The following PRKCQ variants were observed in gnomAD, a reference collection of about 807,000 sequenced individuals.
The protein encoded by PRKCQ is protein kinase C theta type.
Under a neutral mutation model 91.2 loss-of-function variants are expected in PRKCQ, and 41 were observed. The ratio of observed to expected loss-of-function variants is 0.45; its 90% confidence interval spans 0.35 to 0.58. PRKCQ has a LOEUF of 0.58. PRKCQ is among the 20% of genes least tolerant of loss of function. PRKCQ has a pLI of 0.00. For synonymous variants in PRKCQ, 307 were observed against 316.9 expected, an observed-to-expected ratio of 0.97 and a Z score of 0.33; for missense variants, 673 against 896.5, an observed-to-expected ratio of 0.75 and a Z score of 3.18.
intron 16 of PRKCQ, among the ~76,000 whole-genome samples, chr10:6,441,460 CT>C (rs965910392): frequency 1.2e-3 from 77 of 66,948 alleles, no homozygotes; most frequent in South Asian, 6.5e-3. Flanking sequence ...CATTTTGTTT[CT>C]TTTTTTTTTC....
In PRKCQ at chr10:6,469,576, A is replaced by C. The variant is rs1365336952; in HGVS notation, c.1354-5172T>G. Among the ~76,000 whole-genome samples, 4 of 152,312 alleles carry C rather than the reference A, an allele frequency of 2.6e-5. No homozygotes were observed. In the East Asian group the frequency reaches 5.8e-4, roughly 22 times the overall value. ...CATGGAATGAACAATTTTCCAATTAAATAAGTTGTGAGTTGGATTTGTGTT... is the reference window on the plus strand; with the variant it reads ...CATGGAATGAACAATTTTCCAATTACATAAGTTGTGAGTTGGATTTGTGTT... On this transcript the variant is annotated intron_variant, in intron 12 of 17. Transcript: ENST00000263125.
intron 12 of PRKCQ, among the ~76,000 whole-genome samples, chr10:6,475,865 T>C (rs1017629235): frequency 6.6e-6 from 1 of 152,206 alleles, no homozygotes; most frequent in African/African-American, 2.4e-5. Context: ...TCTTCCTTTG[T>C]TTCTTTCCTC....
At chr10:6,467,858 A>G (rs1228535604) in intron 12 of PRKCQ, among the ~76,000 whole-genome samples, 1 of 152,214 alleles carries the variant, frequency 6.6e-6, no homozygotes, top group Non-Finnish European at 1.5e-5. Flanking sequence ...TTCTGTAGAT[A>G]GGTGGGTAAT....
intron 1 of PRKCQ, among the ~76,000 whole-genome samples, chr10:6,550,826 C>A (rs559585365): frequency 9.8e-4 from 149 of 152,270 alleles, no homozygotes; most frequent in Non-Finnish European, 1.7e-3. Flanking sequence ...ACATTCCCAG[C>A]AAAAGTGCAA....
At chr10:6,525,443 A>G (rs1352549582) in intron 1 of PRKCQ, among the ~76,000 whole-genome samples, 4 of 152,170 alleles carry the variant, frequency 2.6e-5, no homozygotes, top group African/African-American at 2.4e-5. Flanking sequence ...AAACTTTGCC[A>G]TTAAAAGTAT....
Position 6,456,761 on chromosome 10 carries a change from G to T in PRKCQ, c.1560C>A (p.Ile520=). The change falls in exon 15 of 18, where the codon ATC becomes ATA. Residue 520 remains isoleucine (I), a synonymous_variant. Coordinates refer to ENST00000263125, the MANE Select transcript of PRKCQ (RefSeq NM_006257.5). The part of the protein sequence containing the change: ...ILLDKDGHIK[I]ADFGMCKENM... ...TCTCCTTGCACATTCCAAAATCCGC[G>T]ATCTTGATATGTCCATCTTTGTCTA... 6.2e-7 allele frequency: 1 copy of T among 1,613,842 alleles called. No homozygotes were observed. Among genetic ancestry groups the T allele is most frequent in the Non-Finnish European group, 8.5e-7 (1 of 1,179,920 alleles).
intron 1 of PRKCQ, among the ~76,000 whole-genome samples, chr10:6,572,992 T>C (rs1841098583): frequency 1.3e-5 from 2 of 152,224 alleles, no homozygotes; most frequent in African/African-American, 2.4e-5. Context: ...ATCAGTGATA[T>C]TGAGGGTTTT....
intron 1 of PRKCQ, among the ~76,000 whole-genome samples, chr10:6,537,178 T>C (rs1044240951): frequency 2.0e-5 from 3 of 152,198 alleles, no homozygotes; most frequent in Non-Finnish European, 2.9e-5. Flanking sequence ...AAGTTGGTGA[T>C]TCTTTTTTTT....
chr10:6,515,448 G>A (rs1453728644), intron 1 of PRKCQ: 13 of 985,428 alleles, frequency 1.3e-5, no homozygotes, highest in Non-Finnish European at 1.6e-5. Context: ...TGGTTGGAGA[G>A]TGAGGCAAAA....
rs114167175 is a variant in PRKCQ, at chr10:6,436,495, C to T, written c.1836+5398G>A. On this transcript the variant is annotated intron_variant, in intron 16 of 17. Coordinates refer to ENST00000263125, the MANE Select transcript of PRKCQ (RefSeq NM_006257.5). ...CACATGTGCAGATATGGGCAACCTCCACGCCAAGCAAGATACAAACTGTTC... is the reference window on the plus strand; with the variant it reads ...CACATGTGCAGATATGGGCAACCTCTACGCCAAGCAAGATACAAACTGTTC... Among the ~76,000 whole-genome samples the T allele has an allele frequency of 2.3e-3, 348 of 152,256 alleles. 1 individual carries two copies. The highest frequency in any genetic ancestry group is 8.0e-3 in the African/African-American group (332 of 41,518).
intron 1 of PRKCQ, among the ~76,000 whole-genome samples, chr10:6,579,372 G>T (rs899725810): frequency 1.3e-5 from 2 of 152,098 alleles, no homozygotes; most frequent in Non-Finnish European, 2.9e-5. Flanking sequence ...CCGCACAGGG[G>T]CAGGACAGCC....
At chr10:6,548,707 G>A (rs1840064840) in intron 1 of PRKCQ, among the ~76,000 whole-genome samples, 1 of 130,334 alleles carries the variant, frequency 7.7e-6, no homozygotes, top group African/African-American at 2.9e-5. Flanking sequence ...CATAGGAAGG[G>A]GAACATCACA....
rs777143152 is a variant in PRKCQ, at chr10:6,485,277, A to G, written c.901-8T>C. On this transcript the variant is annotated splice_region_variant and splice_polypyrimidine_tract_variant and intron_variant, in intron 9 of 17. Transcript: ENST00000263125. ...ATCTCTTAAGCAGCGAGCCTGGATG[A>G]CAAACAGAGAGTCAGACCACCCACC... is the stretch of plus-strand genomic sequence containing the variant. 6.2e-7 allele frequency: 1 copy of G among 1,611,790 alleles called. No individual in the cohort carries two copies. Among genetic ancestry groups the G allele is most frequent in the South Asian group, 1.1e-5 (1 of 91,006 alleles).
chr10:6,450,388 A>T (rs932450319), intron 15 of PRKCQ, among the ~76,000 whole-genome samples: 3 of 152,166 alleles, frequency 2.0e-5, no homozygotes, highest in African/African-American at 7.2e-5. Flanking sequence ...AACTATCCTA[A>T]ATATATATGC....
chr10:6,473,536 G>A (rs372781364), intron 12 of PRKCQ, among the ~76,000 whole-genome samples: 7 of 152,228 alleles, frequency 4.6e-5, no homozygotes, highest in Non-Finnish European at 8.8e-5. Context: ...TCAGAACGCC[G>A]CCAGAGGACG....
intron 2 of PRKCQ, 34 bp from the exon 3 acceptor site, chr10:6,511,228 T>A (rs1322654274): frequency 1.7e-5 from 27 of 1,594,976 alleles, no homozygotes; most frequent in Middle Eastern, 3.7e-4. Context: ...CATTATTCCT[T>A]CAGCCAGGCC....
At chr10:6,552,761 C>G (rs1840240350) in intron 1 of PRKCQ, among the ~76,000 whole-genome samples, 1 of 152,034 alleles carries the variant, frequency 6.6e-6, no homozygotes, top group African/African-American at 2.4e-5. Flanking sequence ...GTCGCTGCAC[C>G]CAACCAAACT....
intron 1 of PRKCQ, among the ~76,000 whole-genome samples, chr10:6,574,703 T>C (rs1841163915): frequency 6.6e-6 from 1 of 152,178 alleles, no homozygotes; most frequent in African/African-American, 2.4e-5. Context: ...TATGGCAAAT[T>C]AGGATGGGGA....
At chr10:6,506,206 T>A (rs1838197640) in intron 4 of PRKCQ, among the ~76,000 whole-genome samples, 1 of 152,126 alleles carries the variant, frequency 6.6e-6, no homozygotes, top group Non-Finnish European at 1.5e-5. Context: ...TCTCAGTAAT[T>A]CTTTCTTTCT....
Sources: allele counts gnomAD v4.1 joint callset (sites outside exome capture counted in the v4.1 genomes callset), GRCh38; gene constraint gnomAD v4.1.1; transcripts MANE v1.5; gene names NCBI Gene and HGNC (gene_info 2026-07-23, HGNC 2026-07-21).